Variants in AOPEP observed in about 807,000 individuals in gnomAD.
The protein encoded by AOPEP is aminopeptidase O.
Under a neutral mutation model 98.1 loss-of-function variants are expected in AOPEP, and 77 were observed. That is an observed-to-expected ratio of 0.78 (90% CI 0.65 to 0.95). The LOEUF (loss-of-function observed/expected upper bound fraction) is 0.95, where lower values mean the gene tolerates loss of function less well. Ranked by LOEUF, AOPEP falls within the 40% of genes least tolerant of loss-of-function variation. The probability of loss-of-function intolerance (pLI) is 0.00; values close to 1 mark genes in which losing one functional copy is unlikely to be tolerated. For missense variants in AOPEP, 1,024 were observed against 1,024.7 expected (o/e 1.00, Z 0.01); for synonymous variants, 346 against 365.3 (o/e 0.95, Z 0.60).
chr9:95,036,689 C>T (rs948204403), intron 13 of AOPEP, among the ~76,000 whole-genome samples: 1 of 70,262 alleles, frequency 1.4e-5, no homozygotes, highest in African/African-American at 3.5e-5. Flanking sequence ...TCTTGTTCTT[C>T]TTTCTTCTTC....
At chr9:94,750,762 T>TC (rs1436579571) in intron 1 of AOPEP, among the ~76,000 whole-genome samples, 1 of 147,366 alleles carries the variant, frequency 6.8e-6, no homozygotes, top group East Asian at 2.0e-4. Flanking sequence ...CTTTCTTTTT[T>TC]TTTTTTTTTT....
At chr9:94,842,755 CATTT>C (rs1223240903) in intron 5 of AOPEP, among the ~76,000 whole-genome samples, 12 of 152,032 alleles carry the variant, frequency 7.9e-5, no homozygotes, top group Admixed American at 7.9e-4. Flanking sequence ...AATTTACATT[CATTT>C]GACAATATCT....
Position 94,727,615 on chromosome 9 carries a change from A to C in AOPEP, c.-136+864A>C, listed in dbSNP as rs116530146. ...TAGATGCTGAGTATATGGGACGAGAAGCAGAATTCTGAAATCCTTGATCTC... is the reference window on the plus strand; with the variant it reads ...TAGATGCTGAGTATATGGGACGAGACGCAGAATTCTGAAATCCTTGATCTC... On this transcript the variant is annotated intron_variant, in intron 1 of 16. Coordinates refer to ENST00000375315, the MANE Select transcript of AOPEP (RefSeq NM_001193329.3). 6.5e-3 allele frequency among the ~76,000 whole-genome samples: 988 copies of C among 152,364 alleles called. 8 individuals are homozygous for C. Among genetic ancestry groups the C allele is most frequent in the African/African-American group, 0.022 (903 of 41,584 alleles).
At chr9:94,804,363 G>T (rs1848807477) in intron 5 of AOPEP, among the ~76,000 whole-genome samples, 1 of 152,122 alleles carries the variant, frequency 6.6e-6, no homozygotes, top group Non-Finnish European at 1.5e-5. Flanking sequence ...GTCCATATAT[G>T]TTCTTTTTTT....
At chr9:94,746,397 CA>C (rs113573775) in intron 1 of AOPEP, among the ~76,000 whole-genome samples, 9,931 of 152,142 alleles carry the variant, frequency 0.065, 1,064 homozygotes, top group African/African-American at 0.23. Context: ...GTAATCTTTC[CA>C]GTACCTTGAT....
At chr9:94,790,134 C>T (rs1845371314) in intron 3 of AOPEP, among the ~76,000 whole-genome samples, 1 of 151,856 alleles carries the variant, frequency 6.6e-6, no homozygotes, top group Non-Finnish European at 1.5e-5. Context: ...CTCGGCCTCC[C>T]AAAGTGCTGG....
At chr9:94,962,235 A>C (rs970294835) in intron 9 of AOPEP, among the ~76,000 whole-genome samples, 5 of 152,252 alleles carry the variant, frequency 3.3e-5, no homozygotes, top group African/African-American at 1.2e-4. Context: ...GAACATGAGC[A>C]GTTCACCGAA....
chr9:94,977,568 C>T (rs1262949402), intron 10 of AOPEP, among the ~76,000 whole-genome samples: 1 of 152,140 alleles, frequency 6.6e-6, no homozygotes, highest in Non-Finnish European at 1.5e-5. Flanking sequence ...TGAGAGCTTC[C>T]TCCTCTCTTC....
intron 9 of AOPEP, among the ~76,000 whole-genome samples, chr9:94,960,839 C>T (rs1265099321): frequency 2.0e-5 from 3 of 151,902 alleles, no homozygotes; most frequent in Non-Finnish European, 1.5e-5. Flanking sequence ...GGTGAAACCC[C>T]GTCTCTACTA....
chr9:94,999,488 G>C (rs1589216886), intron 11 of AOPEP, among the ~76,000 whole-genome samples: 1 of 152,190 alleles, frequency 6.6e-6, no homozygotes, highest in Admixed American at 6.5e-5. Flanking sequence ...GAAGAAGATT[G>C]TCCTATGGCT....
At chr9:94,892,156 G>A (rs1317779891) in intron 5 of AOPEP, among the ~76,000 whole-genome samples, 1 of 151,740 alleles carries the variant, frequency 6.6e-6, no homozygotes, top group Non-Finnish European at 1.5e-5. Flanking sequence ...ATTTATCTTG[G>A]CATGGGTTTC....
intron 7 of AOPEP, among the ~76,000 whole-genome samples, chr9:94,947,619 T>C (rs935519326): frequency 2.6e-5 from 4 of 152,228 alleles, no homozygotes; most frequent in Non-Finnish European, 5.9e-5. Context: ...GCATTTTTCC[T>C]CCTTAATAAC....
At chr9:94,827,463 T>A (rs1340798797) in intron 5 of AOPEP, among the ~76,000 whole-genome samples, 1 of 152,148 alleles carries the variant, frequency 6.6e-6, no homozygotes, top group Non-Finnish European at 1.5e-5. Flanking sequence ...CTTGGGTGAG[T>A]GTATGGGAAG....
At chr9:94,903,251 G>A (rs2050665368) in intron 5 of AOPEP, among the ~76,000 whole-genome samples, 1 of 151,790 alleles carries the variant, frequency 6.6e-6, no homozygotes, top group African/African-American at 2.4e-5. Context: ...CCAAAGTGCT[G>A]GGATTACAGG....
chr9:94,849,006 T>G (rs2043199890), intron 5 of AOPEP, among the ~76,000 whole-genome samples: 1 of 152,178 alleles, frequency 6.6e-6, no homozygotes. Context: ...CACAAACTCC[T>G]GACCTCAGGC....
chr9:95,069,179 T>C (rs1156265380), intron 14 of AOPEP, among the ~76,000 whole-genome samples: 1 of 152,186 alleles, frequency 6.6e-6, no homozygotes, highest in Non-Finnish European at 1.5e-5. Flanking sequence ...TGCTGGAGAA[T>C]GATGTTACCC....
chr9:95,003,437 G>A (rs1317568069), intron 11 of AOPEP, among the ~76,000 whole-genome samples: 2 of 152,146 alleles, frequency 1.3e-5, no homozygotes, highest in African/African-American at 2.4e-5. Context: ...TCTGGGGATC[G>A]TGAACTCCCA....
At chr9:94,748,605 CT>C (rs1588028173) in intron 1 of AOPEP, among the ~76,000 whole-genome samples, 1 of 152,058 alleles carries the variant, frequency 6.6e-6, no homozygotes, top group Non-Finnish European at 1.5e-5. Context: ...CACTAATGTC[CT>C]TTTTGTTTGT....
chr9:95,062,051 G>C (rs930529984), intron 14 of AOPEP, among the ~76,000 whole-genome samples: 6 of 152,346 alleles, frequency 3.9e-5, no homozygotes, highest in African/African-American at 1.2e-4. Context: ...GATCAGAGCA[G>C]GCACCGGGCA....
Sources: allele counts gnomAD v4.1 joint callset (sites outside exome capture counted in the v4.1 genomes callset), GRCh38; gene constraint gnomAD v4.1.1; transcripts MANE v1.5; gene names NCBI Gene and HGNC (gene_info 2026-07-23, HGNC 2026-07-21).